Variants in TYR observed in about 807,000 individuals in gnomAD.
The protein encoded by TYR is tyrosinase.
In TYR, 58 loss-of-function variants were observed where a neutral mutation model predicts 51.5. The observed-to-expected ratio is 1.13, with a 90% CI of 0.91 to 1.40. The LOEUF (loss-of-function observed/expected upper bound fraction) is 1.40. Among genes scored for constraint, TYR ranks in the 40% most tolerant of loss-of-function variants. The probability of loss-of-function intolerance (pLI) is 0.00; values close to 1 mark genes in which losing one functional copy is unlikely to be tolerated. For missense variants in TYR, 732 were observed against 647.4 expected, an observed-to-expected ratio of 1.13 and a Z score of -1.42; for synonymous variants, 263 against 235.2, an observed-to-expected ratio of 1.12 and a Z score of -1.08.
chr11:89,242,196 G>T (rs548252305), intron 3 of TYR, among the ~76,000 whole-genome samples: 17 of 151,870 alleles, frequency 1.1e-4, no homozygotes, highest in Non-Finnish European at 1.5e-4. Flanking sequence ...TTGTTTTTTG[G>T]GTTATCTTTG....
At chr11:89,253,876 C>T (rs573918054) in intron 3 of TYR, among the ~76,000 whole-genome samples, 5 of 151,404 alleles carry the variant, frequency 3.3e-5, no homozygotes, top group East Asian at 1.9e-4. Flanking sequence ...AATGGAAGGG[C>T]GAGAGTGGGC....
At position 89,178,530 on chromosome 11, in the gene TYR, GA is replaced by G. The variant is rs797046132; in HGVS notation, c.580del (p.Ile194SerfsTer32). 1 of 1,614,190 alleles carries G rather than the reference GA, an allele frequency of 6.2e-7. No individual in the cohort carries two copies. The highest frequency in any genetic ancestry group is 1.7e-5 in the Admixed American group (1 of 60,022). Reference protein sequence around the residue: ...VSMDALLGGSEIWRDIDFAHE... With the variant: ...VSMDALLGGSXIWRDIDFAHE... Reference sequence around the variant, plus strand: ...AATGGATGCACTGCTTGGGGGATCTGAAATCTGGAGAGACATTGATTTTGCC... The same window carrying G: ...AATGGATGCACTGCTTGGGGGATCTGAATCTGGAGAGACATTGATTTTGCC... On this transcript the variant is annotated frameshift_variant, in exon 1 of 5. Coordinates refer to ENST00000263321, the MANE Select transcript of TYR (RefSeq NM_000372.5). LOFTEE classifies it high-confidence loss of function.
chr11:89,231,172 A>G (rs1467112782), intron 3 of TYR, among the ~76,000 whole-genome samples: 2 of 117,208 alleles, frequency 1.7e-5, no homozygotes, highest in Admixed American at 1.6e-4. Context: ...CTTCGTCTCA[A>G]AAAAAAAAAA....
chr11:89,254,753 AT>A (rs1378968676), intron 3 of TYR, among the ~76,000 whole-genome samples: 2 of 151,360 alleles, frequency 1.3e-5, no homozygotes, highest in Non-Finnish European at 1.5e-5. Context: ...TATCAATTTT[AT>A]TTATCTTTTC....
chr11:89,239,299 G>A (rs1273577801), intron 3 of TYR, among the ~76,000 whole-genome samples: 1 of 151,970 alleles, frequency 6.6e-6, no homozygotes, highest in Non-Finnish European at 1.5e-5. Context: ...TCATGATTCA[G>A]TTTTGGACAT....
intron 3 of TYR, among the ~76,000 whole-genome samples, chr11:89,239,975 T>A (rs952702633): frequency 6.6e-6 from 1 of 152,196 alleles, no homozygotes; most frequent in Non-Finnish European, 1.5e-5. Context: ...ATCCTTATGA[T>A]AAACCATGTG....
chr11:89,202,673 C>G (rs1943614062), intron 2 of TYR, among the ~76,000 whole-genome samples: 1 of 83,236 alleles, frequency 1.2e-5, no homozygotes, highest in Non-Finnish European at 2.2e-5. Flanking sequence ...TCCTAGGAAA[C>G]TTTAATTTTA....
At chr11:89,240,196 T>C (rs1944173492) in intron 3 of TYR, among the ~76,000 whole-genome samples, 1 of 152,050 alleles carries the variant, frequency 6.6e-6, no homozygotes, top group Admixed American at 6.6e-5. Flanking sequence ...GGCAAACGTT[T>C]ACCTACATAA....
intron 1 of TYR, among the ~76,000 whole-genome samples, chr11:89,182,328 G>C (rs1008728967): frequency 2.0e-5 from 3 of 152,184 alleles, no homozygotes; most frequent in Admixed American, 1.3e-4. Context: ...TGCATGGGTA[G>C]ATTTCTAGGA....
intron 2 of TYR, chr11:89,192,109 G>A (rs1943453902): frequency 2.8e-6 from 1 of 353,480 alleles, no homozygotes; most frequent in Admixed American, 4.1e-5. Context: ...TAAGTTTTCT[G>A]TTCTTCATCA....
chr11:89,187,022 G>A (rs1010627759), intron 1 of TYR, among the ~76,000 whole-genome samples: 1 of 152,134 alleles, frequency 6.6e-6, no homozygotes, highest in Admixed American at 6.6e-5. Flanking sequence ...ATAAATGTCT[G>A]CTGTTTAAGC....
At chr11:89,267,929 A>T (rs985229443) in intron 3 of TYR, among the ~76,000 whole-genome samples, 2 of 151,962 alleles carry the variant, frequency 1.3e-5, no homozygotes, top group Admixed American at 1.3e-4. Context: ...TAAATAGAGG[A>T]AAGTTGCCTA....
intron 3 of TYR, among the ~76,000 whole-genome samples, chr11:89,270,922 TCCCATA>T (rs1047415686): frequency 6.6e-6 from 1 of 151,800 alleles, no homozygotes; most frequent in Non-Finnish European, 1.5e-5. Flanking sequence ...TCGGCGAATT[TCCCATA>T]TAGGCAAAAA....
At chr11:89,195,111 G>A (rs1943498613) in intron 2 of TYR, among the ~76,000 whole-genome samples, 1 of 152,130 alleles carries the variant, frequency 6.6e-6, no homozygotes, top group African/African-American at 2.4e-5. Flanking sequence ...CTTGAGAGGA[G>A]AGCAAATGTC....
At chr11:89,275,565 T>G (rs915360253) in intron 3 of TYR, among the ~76,000 whole-genome samples, 1 of 151,906 alleles carries the variant, frequency 6.6e-6, no homozygotes, top group African/African-American at 2.4e-5. Flanking sequence ...AAGCAAGATA[T>G]TGTTCAAAGG....
At chr11:89,230,009 C>G (rs970851835) in intron 3 of TYR, among the ~76,000 whole-genome samples, 1 of 151,918 alleles carries the variant, frequency 6.6e-6, no homozygotes, top group Non-Finnish European at 1.5e-5. Context: ...ATCAAAATAC[C>G]AAGACATTCT....
chr11:89,252,086 T>C (rs1474551979), intron 3 of TYR, among the ~76,000 whole-genome samples: 2 of 151,844 alleles, frequency 1.3e-5, no homozygotes, highest in Non-Finnish European at 2.9e-5. Flanking sequence ...TTTCATGTTC[T>C]ATGAGTAAGG....
chr11:89,295,086 T>C (rs1590909238), intron 4 of TYR, 57 bp from the exon 5 acceptor site: 2 of 1,599,126 alleles, frequency 1.3e-6, no homozygotes, highest in East Asian at 4.5e-5. Context: ...ATGAAGATGA[T>C]GGTGATCGTA....
chr11:89,218,401 A>G (rs1943863605), intron 2 of TYR, among the ~76,000 whole-genome samples: 1 of 152,198 alleles, frequency 6.6e-6, no homozygotes, highest in Admixed American at 6.5e-5. Context: ...GATTGTGAAA[A>G]ACTAATTATA....
Sources: gnomAD v4.1 joint callset for allele counts (sites outside exome capture counted in the v4.1 genomes callset) on GRCh38, gnomAD v4.1.1 for gene constraint, MANE v1.5 for transcripts, NCBI Gene and HGNC (gene_info 2026-07-23, HGNC 2026-07-21) for gene names.